The following CLSTN2 variants were observed in gnomAD, a reference collection of about 807,000 sequenced individuals.
The protein encoded by CLSTN2 is calsyntenin-2.
A neutral mutation model predicts 101.2 loss-of-function variants in CLSTN2; 48 were observed. That is an observed-to-expected ratio of 0.47 (90% CI 0.38 to 0.60). The LOEUF (loss-of-function observed/expected upper bound fraction) is 0.60. CLSTN2 is among the 20% of genes least tolerant of loss of function. The pLI is 0.00. For missense variants in CLSTN2, 1,160 were observed against 1,238.2 expected (o/e 0.94, Z 0.95); for synonymous variants, 481 against 463.6 (o/e 1.04, Z -0.48).
chr3:139,993,252 G>A (rs1055220473), intron 1 of CLSTN2, among the ~76,000 whole-genome samples: 2 of 151,928 alleles, frequency 1.3e-5, no homozygotes, highest in Admixed American at 1.3e-4. Flanking sequence ...CCCTTCTTTG[G>A]GCTGATGGTC....
chr3:140,456,009 C>T (rs1933389493), intron 6 of CLSTN2, among the ~76,000 whole-genome samples: 1 of 152,188 alleles, frequency 6.6e-6, no homozygotes, highest in Non-Finnish European at 1.5e-5. Flanking sequence ...TCTGTCAGAG[C>T]AGTGGCCTGT....
At chr3:140,044,668 G>T (rs943677820) in intron 1 of CLSTN2, among the ~76,000 whole-genome samples, 4 of 152,132 alleles carry the variant, frequency 2.6e-5, no homozygotes, top group African/African-American at 9.7e-5. Context: ...CTGTGGGTTT[G>T]TCATAAATAG....
intron 8 of CLSTN2, among the ~76,000 whole-genome samples, chr3:140,468,639 G>A (rs999723717): frequency 6.6e-6 from 1 of 152,214 alleles, no homozygotes; most frequent in African/African-American, 2.4e-5. Flanking sequence ...CTAATGTGTG[G>A]CAAGAGACTG....
At chr3:140,246,069 G>A (rs900790510) in intron 2 of CLSTN2, among the ~76,000 whole-genome samples, 14 of 152,160 alleles carry the variant, frequency 9.2e-5, no homozygotes, top group African/African-American at 3.1e-4. Flanking sequence ...ATGCGTTTAC[G>A]TTGATCCTTC....
chr3:140,546,582 C>A lies in CLSTN2; in HGVS notation c.1575C>A (p.Arg525=). The change falls in exon 10 of 17, where the codon CGC becomes CGA. Residue 525 remains arginine, a synonymous_variant. Coordinates refer to ENST00000458420, the MANE Select transcript of CLSTN2 (RefSeq NM_022131.3). The part of the protein sequence containing the change: ...FHGSLASLTI[R]PGKMESQKVI... Reference sequence around the variant, plus strand: ...GAAGCCTGGCCAGTCTCACCATCCGCCCTGGCAAAATGGAAAGCCAGAAGG... The same window carrying A: ...GAAGCCTGGCCAGTCTCACCATCCGACCTGGCAAAATGGAAAGCCAGAAGG... The A allele has an allele frequency of 6.2e-7, 1 of 1,614,138 alleles. No homozygotes were observed. The highest frequency in any genetic ancestry group is 1.1e-5 in the South Asian group (1 of 91,084).
intron 8 of CLSTN2, among the ~76,000 whole-genome samples, chr3:140,488,399 C>CAGG (rs1934279937): frequency 6.6e-6 from 1 of 152,058 alleles, no homozygotes; most frequent in Non-Finnish European, 1.5e-5. Context: ...GCCTTAGTAT[C>CAGG]CTCATTTGTA....
chr3:140,239,776 G>A (rs1202507508), intron 2 of CLSTN2, among the ~76,000 whole-genome samples: 1 of 151,892 alleles, frequency 6.6e-6, no homozygotes, highest in Non-Finnish European at 1.5e-5. Context: ...CTATAGCCAG[G>A]CCAGAGATTG....
chr3:140,361,497 A>G (rs2087729530), intron 2 of CLSTN2, among the ~76,000 whole-genome samples: 1 of 152,184 alleles, frequency 6.6e-6, no homozygotes, highest in Non-Finnish European at 1.5e-5. Context: ...TAAAACAAAC[A>G]AAAAGATATT....
At chr3:140,385,668 C>T (rs1465397967) in intron 2 of CLSTN2, among the ~76,000 whole-genome samples, 7 of 152,062 alleles carry the variant, frequency 4.6e-5, no homozygotes, top group Admixed American at 1.3e-4. Context: ...TGAGCCACCG[C>T]GCCCGGCCCC....
At chr3:140,561,889 T>G (rs868691241) in intron 12 of CLSTN2, among the ~76,000 whole-genome samples, 1 of 152,194 alleles carries the variant, frequency 6.6e-6, no homozygotes, top group Non-Finnish European at 1.5e-5. Flanking sequence ...GAGCTGGTAT[T>G]CAAATCACAC....
chr3:140,175,477 A>T (rs1319095050), intron 1 of CLSTN2, among the ~76,000 whole-genome samples: 1 of 152,180 alleles, frequency 6.6e-6, no homozygotes, highest in Non-Finnish European at 1.5e-5. Context: ...GTAACTTCTA[A>T]TGATGGATCA....
intron 1 of CLSTN2, among the ~76,000 whole-genome samples, chr3:140,018,813 T>G (rs530829231): frequency 6.6e-6 from 1 of 152,338 alleles, no homozygotes; most frequent in African/African-American, 2.4e-5. Context: ...GGAGATAAGC[T>G]AAGTAAACAT....
chr3:140,149,501 G>C (rs1328644366), intron 1 of CLSTN2, among the ~76,000 whole-genome samples: 1 of 152,000 alleles, frequency 6.6e-6, no homozygotes, highest in Non-Finnish European at 1.5e-5. Flanking sequence ...CTGTCACCAG[G>C]CTGGAGTGCA....
In CLSTN2 at chr3:140,532,529, A is replaced by C. The variant is rs77491534; in HGVS notation, c.1507+43A>C. On this transcript the variant is annotated intron_variant, in intron 9 of 16. Coordinates refer to ENST00000458420, the MANE Select transcript of CLSTN2 (RefSeq NM_022131.3). Reference sequence around the variant, plus strand: ...CCTTTTCTCTGACCTGTTTGTGAATAGTTCTTGGAAGATACTTGTAGAGAA... The same window carrying C: ...CCTTTTCTCTGACCTGTTTGTGAATCGTTCTTGGAAGATACTTGTAGAGAA... 7 of 1,522,646 alleles carry C rather than the reference A, an allele frequency of 4.6e-6. No individual in the cohort carries two copies. The South Asian group carries it at 9.1e-5, about 20-fold the overall frequency. 94.3% of individuals were successfully genotyped at this position (1,522,646 alleles called of 1,614,324 possible).
chr3:140,127,638 C>T (rs1163971883), intron 1 of CLSTN2, among the ~76,000 whole-genome samples: 2 of 152,048 alleles, frequency 1.3e-5, no homozygotes, highest in Non-Finnish European at 2.9e-5. Context: ...CTTCCTAAGT[C>T]AAACTTCCTA....
chr3:140,347,539 C>T (rs2087561445), intron 2 of CLSTN2, among the ~76,000 whole-genome samples: 1 of 152,220 alleles, frequency 6.6e-6, no homozygotes. Context: ...TCTTGTTGAA[C>T]ATGGCAGGAG....
At chr3:140,345,970 G>A (rs534297805) in intron 2 of CLSTN2, among the ~76,000 whole-genome samples, 7 of 152,268 alleles carry the variant, frequency 4.6e-5, no homozygotes, top group Admixed American at 2.0e-4. Flanking sequence ...ATAGCCCATC[G>A]TCTCAGCTTA....
intron 8 of CLSTN2, among the ~76,000 whole-genome samples, chr3:140,478,236 A>AT (rs990356217): frequency 2.0e-5 from 3 of 151,822 alleles, no homozygotes; most frequent in African/African-American, 4.8e-5. Context: ...TAAATGGCAT[A>AT]TGCTGATGTT....
chr3:140,532,246 C>T (rs1274828692), intron 8 of CLSTN2, 78 bp from the exon 9 acceptor site: 17 of 1,240,466 alleles, frequency 1.4e-5, no homozygotes, highest in Non-Finnish European at 1.8e-5. Context: ...GTGTTGTTCT[C>T]CTTTCATAGA....
Sources: allele counts gnomAD v4.1 joint callset (sites outside exome capture counted in the v4.1 genomes callset), GRCh38; gene constraint gnomAD v4.1.1; transcripts MANE v1.5; gene names NCBI Gene and HGNC (gene_info 2026-07-23, HGNC 2026-07-21).